MYO9B: variants seen among roughly 807,000 people sequenced by gnomAD.
MYO9B encodes the protein myosin IXB, also known as unconventional myosin-IXb.
A neutral mutation model predicts 229.5 loss-of-function variants in MYO9B; 71 were observed. The ratio of observed to expected loss-of-function variants is 0.31; its 90% CI spans 0.26 to 0.38. MYO9B has a LOEUF of 0.38. MYO9B is among the 10% of genes least tolerant of loss of function. MYO9B has a pLI of 1.00. For missense variants in MYO9B, 2,255 were observed against 2,920.5 expected (o/e 0.77, Z 5.25); for synonymous variants, 1,185 against 1,235.8 (o/e 0.96, Z 0.86).
At position 17,193,172 on chromosome 19, in the gene MYO9B, A is replaced by G; in HGVS notation, c.3128+110A>G. On this transcript the variant is annotated intron_variant, in intron 21 of 39. Coordinates refer to ENST00000682292, the MANE Select transcript of MYO9B (RefSeq NM_004145.4). The surrounding 1 kb of genome is among the most constrained non-coding windows in gnomAD (Gnocchi z 4.3). Reference sequence around the variant, plus strand: ...TGGCCTGTGGCACTAAGGGGATGTCATTCTGGACACAGGGAAAGGCTGGTG... The same window carrying G: ...TGGCCTGTGGCACTAAGGGGATGTCGTTCTGGACACAGGGAAAGGCTGGTG... 1 of 1,215,962 alleles carries G rather than the reference A, an allele frequency of 8.2e-7. No homozygotes were observed. 75.3% of individuals were successfully genotyped at this position (1,215,962 alleles called of 1,614,324 possible).
intron 10 of MYO9B, among the ~76,000 whole-genome samples, chr19:17,167,699 A>C (rs753908305): frequency 2.6e-5 from 4 of 151,934 alleles, no homozygotes; most frequent in Non-Finnish European, 5.9e-5. Flanking sequence ...GGCTGGTCTC[A>C]AACTCCTGAC....
chr19:17,136,831 C>G (rs1323639409), intron 2 of MYO9B, among the ~76,000 whole-genome samples: 1 of 152,182 alleles, frequency 6.6e-6, no homozygotes. Flanking sequence ...GTGGCTCACA[C>G]CTGTAATCTC....
chr19:17,089,858 C>T (rs1039662422), intron 1 of MYO9B, among the ~76,000 whole-genome samples: 4 of 152,100 alleles, frequency 2.6e-5, no homozygotes, highest in African/African-American at 9.7e-5. Context: ...TGTGCCAACA[C>T]CAGCTCTATC....
In MYO9B at chr19:17,211,637, T is replaced by C. The variant is rs770422778; in HGVS notation, c.5931-10T>C. On this transcript the variant is annotated splice_polypyrimidine_tract_variant and intron_variant, in intron 38 of 39. Transcript: ENST00000682292. Reference sequence around the variant, plus strand: ...GGTGGCCTTGGACACCACTACCCTTTTTCCTCCAGGGAGGACATCACCTAC... The same window carrying C: ...GGTGGCCTTGGACACCACTACCCTTCTTCCTCCAGGGAGGACATCACCTAC... The C allele has an allele frequency of 6.3e-7, 1 of 1,590,998 alleles. No individual in the cohort carries two copies. Among genetic ancestry groups the C allele is most frequent in the South Asian group, 1.1e-5 (1 of 88,810 alleles).
Position 17,157,015 on chromosome 19 carries a change from G to A in MYO9B, c.1306G>A (p.Asp436Asn). The change falls in exon 7 of 40, where the codon GAC becomes AAC. Residue 436 changes from aspartate to asparagine, a missense_variant. Coordinates refer to ENST00000682292, the MANE Select transcript of MYO9B (RefSeq NM_004145.4). ...GLEVGPPEVL[D>N]TLSQLLKVKR... ...GGAGGTCGGGCCACCCGAGGTGCTG[G>A]ACACCCTGTCGCAGCTTCTGAAGGT... is the stretch of plus-strand genomic sequence containing the variant. 1.2e-6 allele frequency: 2 copies of A among 1,613,708 alleles called. No homozygotes were observed. Among genetic ancestry groups the A allele is most frequent in the Non-Finnish European group, 1.7e-6 (2 of 1,179,792 alleles).
chr19:17,151,291 AAAG>A (rs1568275157), intron 3 of MYO9B, among the ~76,000 whole-genome samples: 6 of 25,334 alleles, frequency 2.4e-4, no homozygotes, highest in African/African-American at 5.7e-4. Context: ...AAAAAAAAAG[AAAG>A]AAAGAAAATG....
At chr19:17,115,994 G>A (rs1379112026) in intron 2 of MYO9B, among the ~76,000 whole-genome samples, 1 of 146,290 alleles carries the variant, frequency 6.8e-6, no homozygotes, top group Admixed American at 7.0e-5. Context: ...GTCCCACAGG[G>A]TTCGGCGGAG....
chr19:17,102,122 A>G lies in MYO9B; in HGVS notation c.405A>G (p.Leu135=), dbSNP rs778310693. 7.4e-6 allele frequency: 12 copies of G among 1,613,486 alleles called. No homozygotes were observed. The highest frequency in any genetic ancestry group is 1.0e-5 in the Non-Finnish European group (12 of 1,179,876). ...CGCAGGCCACAGCCACCCGGCGCCT[A>G]GTGGAGCGTGGCCTCCTGCCACGGC... is the stretch of plus-strand genomic sequence containing the variant. ...LVAQATATRR[L]VERGLLPRQQ... is the part of the protein sequence containing the mutation. The change falls in exon 2 of 40, where the codon CTA becomes CTG. Residue 135 remains leucine (L), a synonymous_variant. Coordinates refer to ENST00000682292, the MANE Select transcript of MYO9B (RefSeq NM_004145.4).
chr19:17,206,170 G>C lies in MYO9B; in HGVS notation c.5257+18G>C, dbSNP rs748164259. On this transcript the variant is annotated intron_variant, in intron 32 of 39. Transcript: ENST00000682292. Reference sequence around the variant, plus strand: ...GCAGACAGGTGGGCGCTGTGGGCAGGTGGGTGCAGTGCCAGGCCCCAGGCA... The same window carrying C: ...GCAGACAGGTGGGCGCTGTGGGCAGCTGGGTGCAGTGCCAGGCCCCAGGCA... The C allele has an allele frequency of 6.2e-7, 1 of 1,609,194 alleles. No homozygotes were observed. Among genetic ancestry groups the C allele is most frequent in the Non-Finnish European group, 8.5e-7 (1 of 1,178,914 alleles).
At chr19:17,088,465 C>T (rs903783951) in intron 1 of MYO9B, among the ~76,000 whole-genome samples, 3 of 152,174 alleles carry the variant, frequency 2.0e-5, no homozygotes, top group South Asian at 2.1e-4. Context: ...TTTTGCCCTG[C>T]GGACGCTGTT....
chr19:17,137,980 C>A (rs984992095), intron 2 of MYO9B, among the ~76,000 whole-genome samples: 3 of 151,742 alleles, frequency 2.0e-5, no homozygotes, highest in African/African-American at 7.3e-5. Context: ...TATACACATG[C>A]CATGGTGGTT....
At chr19:17,180,719 G>A (rs989302420) in intron 14 of MYO9B, 27 of 522,140 alleles carry the variant, frequency 5.2e-5, no homozygotes, top group African/African-American at 2.7e-4. Flanking sequence ...GCCCTGCCCC[G>A]CTCCAGGGCT....
At chr19:17,155,107 C>T (rs183090317) in intron 6 of MYO9B, among the ~76,000 whole-genome samples, 29 of 152,150 alleles carry the variant, frequency 1.9e-4, no homozygotes, top group East Asian at 1.2e-3. Context: ...CATTTCAGCT[C>T]GGGCAACAGA....
intron 3 of MYO9B, among the ~76,000 whole-genome samples, chr19:17,145,813 G>A (rs1249487207): frequency 1.3e-5 from 2 of 152,144 alleles, no homozygotes; most frequent in African/African-American, 2.4e-5. Context: ...GTGGGGATGC[G>A]GACTCTGGCC....
intron 2 of MYO9B, among the ~76,000 whole-genome samples, chr19:17,142,272 C>A (rs1171030467): frequency 1.3e-5 from 2 of 151,760 alleles, no homozygotes. Context: ...TCCATAGAGA[C>A]AGGAAGCAGA....
At position 17,140,965 on chromosome 19, in the gene MYO9B, G is replaced by A. The variant is rs1040511865; in HGVS notation, c.841-4432G>A. ...TAAAAATACCAAAAATTAGCCGAGC[G>A]CAGTGGCACACACCTGTAATCCCAG... is the stretch of plus-strand genomic sequence containing the variant. On this transcript the variant is annotated intron_variant, in intron 2 of 39. Coordinates refer to ENST00000682292, the MANE Select transcript of MYO9B (RefSeq NM_004145.4). Among the ~76,000 whole-genome samples, 19 of 151,690 alleles carry A rather than the reference G, an allele frequency of 1.3e-4. No homozygotes were observed. The East Asian group carries it at 1.4e-3, about 11-fold the overall frequency.
chr19:17,161,564 C>T (rs566439537), intron 8 of MYO9B, among the ~76,000 whole-genome samples: 2 of 152,052 alleles, frequency 1.3e-5, no homozygotes, highest in Non-Finnish European at 2.9e-5. Context: ...GCCTGTAATC[C>T]CAGCACTTTG....
In MYO9B at chr19:17,100,914, A is replaced by T. The variant is rs146025099; in HGVS notation, c.-58-746A>T. 4.4e-3 allele frequency among the ~76,000 whole-genome samples: 663 copies of T among 151,582 alleles called. 6 individuals carry two copies. Among genetic ancestry groups the T allele is most frequent in the South Asian group, 0.034 (162 of 4,782 alleles). On this transcript the variant is annotated intron_variant, in intron 1 of 39. Coordinates refer to ENST00000682292, the MANE Select transcript of MYO9B (RefSeq NM_004145.4). ...CAGGTTCAGTCTTGCTCATCCCCAC[A>T]TGCCTCTCGCTGTTACTGCTGTGTG...
intron 37 of MYO9B, 94 bp from the exon 38 acceptor site, chr19:17,210,621 C>T (rs1180570284): frequency 1.7e-5 from 24 of 1,417,654 alleles, no homozygotes; most frequent in Non-Finnish European, 2.2e-5. Context: ...AGCACACTCA[C>T]ATCACAACTA....
Sources: gnomAD v4.1 joint callset for allele counts (sites outside exome capture counted in the v4.1 genomes callset) on GRCh38, gnomAD v4.1.1 for gene constraint, Gnocchi (gnomAD v3.1) non-coding constraint, MANE v1.5 for transcripts, NCBI Gene and HGNC (gene_info 2026-07-23, HGNC 2026-07-21) for gene names.